The following SLC39A11 variants were observed in gnomAD, a reference collection of about 807,000 sequenced individuals.
SLC39A11 encodes zinc transporter ZIP11.
In SLC39A11, 33 loss-of-function variants were observed where a neutral mutation model predicts 36.1. The observed-to-expected ratio is 0.91, with a 90% CI of 0.69 to 1.22. The LOEUF is 1.22. SLC39A11 is among the 50% of genes most tolerant of loss of function. SLC39A11 has a pLI of 0.00. For synonymous variants in SLC39A11, 166 were observed against 170.3 expected, an observed-to-expected ratio of 0.97 and a Z score of 0.20; for missense variants, 432 against 430.3, an observed-to-expected ratio of 1.00 and a Z score of -0.03.
intron 7 of SLC39A11, among the ~76,000 whole-genome samples, chr17:72,708,145 T>C (rs2072967714): frequency 6.6e-6 from 1 of 152,208 alleles, no homozygotes; most frequent in Non-Finnish European, 1.5e-5. Flanking sequence ...TGGTTAATTT[T>C]ATGTGTCAAC....
chr17:72,790,029 A>C (rs1229351268), intron 6 of SLC39A11, among the ~76,000 whole-genome samples: 2 of 152,246 alleles, frequency 1.3e-5, no homozygotes, highest in Admixed American at 6.5e-5. Context: ...TCAATCCTGC[A>C]GGATTCAAAG....
intron 6 of SLC39A11, among the ~76,000 whole-genome samples, chr17:72,837,195 C>T (rs1428845199): frequency 6.6e-6 from 1 of 152,108 alleles, no homozygotes; most frequent in Non-Finnish European, 1.5e-5. Flanking sequence ...GACTTTTCAG[C>T]ATTCCAACAG....
chr17:73,020,456 C>A (rs1396627245), intron 4 of SLC39A11, among the ~76,000 whole-genome samples: 1 of 152,130 alleles, frequency 6.6e-6, no homozygotes, highest in Non-Finnish European at 1.5e-5. Flanking sequence ...GTTCTTTAAG[C>A]CAGACTTCAG....
intron 4 of SLC39A11, among the ~76,000 whole-genome samples, chr17:72,957,227 G>C (rs2086295252): frequency 6.6e-6 from 1 of 152,216 alleles, no homozygotes; most frequent in Non-Finnish European, 1.5e-5. Context: ...TGAAGGGTTG[G>C]ATGAATCAAT....
chr17:72,758,848 C>T (rs2075460196), intron 6 of SLC39A11, among the ~76,000 whole-genome samples: 1 of 152,124 alleles, frequency 6.6e-6, no homozygotes, highest in African/African-American at 2.4e-5. Flanking sequence ...CCAACCGGAA[C>T]ATTCTACACA....
At chr17:72,884,856 G>A (rs1347397187) in intron 5 of SLC39A11, among the ~76,000 whole-genome samples, 1 of 152,148 alleles carries the variant, frequency 6.6e-6, no homozygotes, top group Non-Finnish European at 1.5e-5. Context: ...AACTGGACAA[G>A]GGAACTCTAA....
chr17:72,910,351 C>T (rs1331093909), intron 5 of SLC39A11, among the ~76,000 whole-genome samples: 5 of 151,910 alleles, frequency 3.3e-5, no homozygotes, highest in South Asian at 4.2e-4. Context: ...AAACCGGGTG[C>T]GGTGGCCCGT....
At chr17:72,773,389 C>G (rs1341434651) in intron 6 of SLC39A11, among the ~76,000 whole-genome samples, 1 of 152,098 alleles carries the variant, frequency 6.6e-6, no homozygotes, top group Non-Finnish European at 1.5e-5. Flanking sequence ...CTTCCCCCAT[C>G]CAGTTCTCAT....
At chr17:72,798,334 C>T (rs1388006081) in intron 6 of SLC39A11, among the ~76,000 whole-genome samples, 1 of 151,678 alleles carries the variant, frequency 6.6e-6, no homozygotes, top group African/African-American at 2.4e-5. Context: ...AATCTTCAGG[C>T]TTGCAAAGAG....
At chr17:72,915,139 C>T (rs1425636445) in intron 5 of SLC39A11, among the ~76,000 whole-genome samples, 1 of 152,122 alleles carries the variant, frequency 6.6e-6, no homozygotes, top group Non-Finnish European at 1.5e-5. Flanking sequence ...ATGTTACAGA[C>T]CCAGGGGGAG....
At chr17:72,698,255 G>A (rs1470104603) in intron 7 of SLC39A11, among the ~76,000 whole-genome samples, 2 of 152,122 alleles carry the variant, frequency 1.3e-5, no homozygotes, top group African/African-American at 4.8e-5. Context: ...GAAGTTGAAT[G>A]TAATTATAAG....
chr17:72,831,425 A>C (rs2078281440), intron 6 of SLC39A11, among the ~76,000 whole-genome samples: 1 of 152,236 alleles, frequency 6.6e-6, no homozygotes, highest in South Asian at 2.1e-4. Context: ...GCTCGTGTCC[A>C]TGACCTTATT....
intron 7 of SLC39A11, among the ~76,000 whole-genome samples, chr17:72,714,399 T>G (rs908261823): frequency 2.0e-5 from 3 of 151,226 alleles, no homozygotes; most frequent in Non-Finnish European, 4.4e-5. Flanking sequence ...ATAATTGCGG[T>G]TTTTGCCAAT....
chr17:73,087,164 G>A (rs1467209543), intron 2 of SLC39A11, among the ~76,000 whole-genome samples: 3 of 152,144 alleles, frequency 2.0e-5, no homozygotes, highest in Non-Finnish European at 4.4e-5. Context: ...ATTCTACAAT[G>A]TGTCTCTGTG....
At chr17:72,825,668 C>A (rs1052412783) in intron 6 of SLC39A11, among the ~76,000 whole-genome samples, 7 of 152,330 alleles carry the variant, frequency 4.6e-5, no homozygotes, top group African/African-American at 1.7e-4. Flanking sequence ...GCCAAAGGGG[C>A]GGAGATGTCC....
intron 5 of SLC39A11, among the ~76,000 whole-genome samples, chr17:72,866,423 A>C (rs1282102289): frequency 2.6e-5 from 4 of 152,252 alleles, no homozygotes; most frequent in Non-Finnish European, 4.4e-5. Context: ...GAAATAAAGT[A>C]CACAATAAAT....
chr17:72,981,264 G>T (rs1024852176), intron 4 of SLC39A11, among the ~76,000 whole-genome samples: 1 of 151,574 alleles, frequency 6.6e-6, no homozygotes. Flanking sequence ...TTTATTTATA[G>T]CCCATCTCAA....
At chr17:72,892,085 A>T (rs1598300683) in intron 5 of SLC39A11, among the ~76,000 whole-genome samples, 1 of 152,132 alleles carries the variant, frequency 6.6e-6, no homozygotes, top group East Asian at 1.9e-4. Flanking sequence ...CCCTAGCAAT[A>T]TAAGGGAAAA....
At chr17:72,652,624 C>A (rs2069902923) in intron 7 of SLC39A11, among the ~76,000 whole-genome samples, 1 of 152,194 alleles carries the variant, frequency 6.6e-6, no homozygotes, top group African/African-American at 2.4e-5. Flanking sequence ...TCCAAGAACT[C>A]ATGCGTCCTC....
Sources: allele counts gnomAD v4.1 joint callset (sites outside exome capture counted in the v4.1 genomes callset), GRCh38; gene constraint gnomAD v4.1.1; transcripts MANE v1.5; gene names NCBI Gene and HGNC (gene_info 2026-07-23, HGNC 2026-07-21).